VSTM2B: variants seen among roughly 807,000 people sequenced by gnomAD.
VSTM2B encodes the protein V-set and transmembrane domain-containing protein 2B.
VSTM2B carries 24 observed loss-of-function variants against 24.0 expected under a neutral mutation model. That is an observed-to-expected ratio of 1.00 (90% CI 0.72 to 1.40). VSTM2B has a LOEUF of 1.40. Ranked by LOEUF, VSTM2B falls within the 40% of genes most tolerant of loss-of-function variation. The pLI, the probability that VSTM2B is intolerant of heterozygous loss-of-function variation, is 0.00. For synonymous variants in VSTM2B, 226 were observed against 194.4 expected, an observed-to-expected ratio of 1.16 and a Z score of -1.35; for missense variants, 399 against 416.4, an observed-to-expected ratio of 0.96 and a Z score of 0.36.
chr19:29,534,147 G>T (rs1969828482), intron 4 of VSTM2B, among the ~76,000 whole-genome samples: 1 of 152,176 alleles, frequency 6.6e-6, no homozygotes, highest in Non-Finnish European at 1.5e-5. Context: ...GGTCCCCGGG[G>T]CTGGCATCAG....
intron 4 of VSTM2B, among the ~76,000 whole-genome samples, chr19:29,545,818 T>A (rs1445376347): frequency 6.6e-6 from 1 of 152,106 alleles, no homozygotes; most frequent in African/African-American, 2.4e-5. Flanking sequence ...GTCTTTTTGG[T>A]AGAACCAACC....
intron 3 of VSTM2B, chr19:29,528,958 G>A (rs572337177): frequency 1.6e-5 from 16 of 985,460 alleles, no homozygotes; most frequent in Non-Finnish European, 1.8e-5. Flanking sequence ...AGGGGACGGG[G>A]TAGGGGGTGG....
At chr19:29,540,363 C>T (rs1211417110) in intron 4 of VSTM2B, among the ~76,000 whole-genome samples, 1 of 152,218 alleles carries the variant, frequency 6.6e-6, no homozygotes, top group East Asian at 1.9e-4. Context: ...AAATGGTGGG[C>T]TACCAGGATG....
chr19:29,528,403 C>CA, intron 2 of VSTM2B, 30 bp from the exon 3 acceptor site: 2 of 1,551,168 alleles, frequency 1.3e-6, no homozygotes, highest in Non-Finnish European at 1.7e-6. Context: ...CCGCGAGCCT[C>CA]ACGTCTCTCT....
chr19:29,550,338 G>A (rs734839), intron 4 of VSTM2B, among the ~76,000 whole-genome samples: 62,883 of 152,076 alleles, frequency 0.41, 13,564 homozygotes, highest in Middle Eastern at 0.57. Flanking sequence ...AGGAGGCTGA[G>A]GCAGGAGAAT....
intron 4 of VSTM2B, among the ~76,000 whole-genome samples, chr19:29,560,308 C>T (rs1970496838): frequency 1.3e-5 from 2 of 152,134 alleles, no homozygotes; most frequent in African/African-American, 2.4e-5. Context: ...TTAATCTGGA[C>T]CCCTGCCCAG....
intron 4 of VSTM2B, among the ~76,000 whole-genome samples, chr19:29,554,147 GA>G (rs1189054908): frequency 6.6e-6 from 1 of 151,946 alleles, no homozygotes; most frequent in Non-Finnish European, 1.5e-5. Context: ...TTGAAATGAA[GA>G]AAAAAATGTA....
intron 2 of VSTM2B, 37 bp from the exon 3 acceptor site, chr19:29,528,396 C>T (rs1031086019): frequency 6.4e-7 from 1 of 1,550,906 alleles, no homozygotes; most frequent in East Asian, 2.4e-5. Context: ...CAGAAGGCCG[C>T]GAGCCTCACG....
chr19:29,552,127 A>C (rs544016096), intron 4 of VSTM2B, among the ~76,000 whole-genome samples: 2 of 152,338 alleles, frequency 1.3e-5, no homozygotes, highest in Admixed American at 6.5e-5. Flanking sequence ...CCTGGGGAGC[A>C]GGTGGACACA....
In VSTM2B at chr19:29,562,806, G is replaced by C. The variant is rs187888883; in HGVS notation, c.770-1040G>C. 5.1e-3 allele frequency among the ~76,000 whole-genome samples: 770 copies of C among 152,288 alleles called. 4 individuals carry two copies. The highest frequency in any genetic ancestry group is 0.031 in the Middle Eastern group (9 of 294). On this transcript the variant is annotated intron_variant, in intron 4 of 4. Coordinates refer to ENST00000335523, the MANE Select transcript of VSTM2B (RefSeq NM_001146339.2). ...CAGGTGAAGACCCTAAGGACCGACG[G>C]GGAGCCAGGCGGGGGACCAAGGCGA...
At chr19:29,547,229 T>C (rs1272547643) in intron 4 of VSTM2B, among the ~76,000 whole-genome samples, 1 of 152,216 alleles carries the variant, frequency 6.6e-6, no homozygotes, top group Non-Finnish European at 1.5e-5. Context: ...AAAGTATCCA[T>C]TGTTTTTCTG....
chr19:29,526,479 G>A lies in VSTM2B; in HGVS notation c.-105G>A. ...GGGAGGGGGCGCCGCGCGGGGCCAT[G>A]GCAGGCTCGGAGGCGTCCTAGCCCG... On this transcript the variant is annotated 5_prime_UTR_variant, in exon 1 of 5. An upstream start codon of the reference 5' UTR is lost. Coordinates refer to ENST00000335523, the MANE Select transcript of VSTM2B (RefSeq NM_001146339.2). The surrounding 1 kb of genome is among the most constrained non-coding windows in gnomAD (Gnocchi z 4.1). 1.4e-6 allele frequency: 1 copy of A among 710,540 alleles called. No homozygotes were observed. Among genetic ancestry groups the A allele is most frequent in the Non-Finnish European group, 1.9e-6 (1 of 520,146 alleles). The allele number at this position is 710,540 out of a possible 1,614,324, so 44.0% of individuals were successfully genotyped here.
chr19:29,564,187 G>T lies in VSTM2B; in HGVS notation c.*253G>T. ...GAATCAATGATTTCTCTACTTCAAT[G>T]TAGTTTTCTTTTCTACACTTTCCCT... On this transcript the variant is annotated 3_prime_UTR_variant, in exon 5 of 5. Transcript: ENST00000335523. 2.5e-6 allele frequency: 1 copy of T among 397,582 alleles called. No individual in the cohort carries two copies. The highest frequency in any genetic ancestry group is 4.6e-6 in the Non-Finnish European group (1 of 217,670). 24.6% of individuals were successfully genotyped at this position (397,582 alleles called of 1,614,324 possible).
At position 29,526,545 on chromosome 19, in the gene VSTM2B, GC is replaced by G. The variant is rs769948039; in HGVS notation, c.-38del. 2.0e-6 allele frequency: 3 copies of G among 1,478,056 alleles called. No homozygotes were observed. In the South Asian group the frequency reaches 3.8e-5, roughly 19 times the overall value. The allele number at this position is 1,478,056 out of a possible 1,614,324, so 91.6% of individuals were successfully genotyped here. A position where few individuals can be genotyped will look rare whatever the true frequency, so the allele number is the denominator to read the frequency against. On this transcript the variant is annotated 5_prime_UTR_variant, in exon 1 of 5. Transcript: ENST00000335523. The surrounding 1 kb of genome is among the most constrained non-coding windows in gnomAD (Gnocchi z 4.1). ...GAGCCCACGCGGCCGCCGCCTCTCC[GC>G]TCCCGGGCCCCCGCCGCCACCGCGC...
In VSTM2B at chr19:29,529,775, T is replaced by C. The variant is rs1189171222; in HGVS notation, c.298-44T>C. 7 of 1,535,240 alleles carry C rather than the reference T, an allele frequency of 4.6e-6. No individual in the cohort carries two copies. In the African/African-American group the frequency reaches 9.7e-5, roughly 21 times the overall value. ...CGGCCAGGGTGGCCAGAAGAGTAGG[T>C]TTGGGAGCTGCCCAGCCCGGCCTCT... is the stretch of plus-strand genomic sequence containing the variant. On this transcript the variant is annotated intron_variant, in intron 3 of 4. Coordinates refer to ENST00000335523, the MANE Select transcript of VSTM2B (RefSeq NM_001146339.2).
At chr19:29,533,015 G>A (rs1449544852) in intron 4 of VSTM2B, among the ~76,000 whole-genome samples, 3 of 152,098 alleles carry the variant, frequency 2.0e-5, no homozygotes, top group Non-Finnish European at 2.9e-5. Flanking sequence ...TGACCTGACT[G>A]CCTGCCATAG....
chr19:29,560,231 G>T (rs1285253021), intron 4 of VSTM2B, among the ~76,000 whole-genome samples: 1 of 152,168 alleles, frequency 6.6e-6, no homozygotes, highest in African/African-American at 2.4e-5. Flanking sequence ...AGGGCACTAT[G>T]ATAGGGATGC....
intron 4 of VSTM2B, among the ~76,000 whole-genome samples, chr19:29,538,917 C>T (rs1015424240): frequency 1.3e-5 from 2 of 152,120 alleles, no homozygotes; most frequent in African/African-American, 4.8e-5. Flanking sequence ...GATCACATTT[C>T]AACATAAGGT....
chr19:29,538,186 T>C (rs1359972731), intron 4 of VSTM2B, among the ~76,000 whole-genome samples: 1 of 152,152 alleles, frequency 6.6e-6, no homozygotes, highest in Non-Finnish European at 1.5e-5. Context: ...GTATTATGCT[T>C]GTTTTCCGGA....
Sources: gnomAD v4.1 joint callset for allele counts (sites outside exome capture counted in the v4.1 genomes callset) on GRCh38, gnomAD v4.1.1 for gene constraint, Gnocchi (gnomAD v3.1) non-coding constraint, MANE v1.5 for transcripts, NCBI Gene and HGNC (gene_info 2026-07-23, HGNC 2026-07-21) for gene names.